BTBD3: variants seen among roughly 807,000 people sequenced by gnomAD.
BTBD3 encodes the protein BTB/POZ domain-containing protein 3.
Under a neutral mutation model 41.6 loss-of-function variants are expected in BTBD3, and 14 were observed. That is an observed-to-expected ratio of 0.34 (90% CI 0.22 to 0.53). The LOEUF is 0.53. BTBD3 is among the 20% of genes least tolerant of loss of function. The pLI is 0.95. For missense variants in BTBD3, 426 were observed against 654.7 expected (o/e 0.65, Z 3.81); for synonymous variants, 249 against 233.7 (o/e 1.07, Z -0.60).
chr20:11,901,007 G>A (rs1230047661), intron 1 of BTBD3, among the ~76,000 whole-genome samples: 3 of 152,040 alleles, frequency 2.0e-5, no homozygotes, highest in South Asian at 4.1e-4. Context: ...CACCGCACCC[G>A]GCCAAAGTCC....
upstream of BTBD3, among the ~76,000 whole-genome samples, chr20:11,914,754 A>C (rs1409783018): frequency 6.6e-6 from 1 of 152,186 alleles, no homozygotes; most frequent in Non-Finnish European, 1.5e-5. Flanking sequence ...CCAACATTGA[A>C]AAGAAAAGAA....
rs546102868 is a variant in BTBD3 at position 11,924,278 on chromosome 20, A to T, written c.*612A>T. The T allele has an allele frequency of 1.3e-5, 2 of 152,224 alleles. No individual in the cohort carries two copies. Among genetic ancestry groups the T allele is most frequent in the Non-Finnish European group, 1.5e-5 (1 of 68,040 alleles). 9.4% of individuals were successfully genotyped at this position (152,224 alleles called of 1,614,324 possible). A position where few individuals can be genotyped will look rare whatever the true frequency, so the allele number is the denominator to read the frequency against. On this transcript the variant is annotated 3_prime_UTR_variant, in exon 4 of 4. Transcript: ENST00000378226. ...TCAGAATATCAATGTAAAATTGGAA[A>T]ATAAGGAACTGGGGGCATTTGTTTA...
rs1247844979 is a variant in BTBD3 at position 11,909,719 on chromosome 20, G to GT, written c.-125-8612dup. The GT allele has an allele frequency of 2.0e-5, 3 of 152,270 alleles. No individual in the cohort carries two copies. The East Asian group carries it at 5.8e-4, about 29-fold the overall frequency. The allele number at this position is 152,270 out of a possible 1,614,324, so 9.4% of individuals were successfully genotyped here. On this transcript the variant is annotated intron_variant, in intron 1 of 4. Coordinates refer to the BTBD3 transcript ENST00000254977. ...GAGACCTTCTGGATATGTGTATAGT[G>GT]TTTGTCAAAATGTGAAATTGTAACT...
At chr20:11,907,413 G>A (rs2056861628) in intron 1 of BTBD3, among the ~76,000 whole-genome samples, 1 of 152,098 alleles carries the variant, frequency 6.6e-6, no homozygotes, top group South Asian at 2.1e-4. Flanking sequence ...AGACCATTTT[G>A]GTCTAGGACC....
At chr20:11,921,312 T>C (rs1017741998) in intron 3 of BTBD3, among the ~76,000 whole-genome samples, 3 of 152,254 alleles carry the variant, frequency 2.0e-5, no homozygotes, top group Admixed American at 6.5e-5. Flanking sequence ...GCATTGCCTA[T>C]AGCAGATATT....
chr20:11,914,788 A>G (rs151263330), upstream of BTBD3, among the ~76,000 whole-genome samples: 2 of 152,280 alleles, frequency 1.3e-5, no homozygotes, highest in Non-Finnish European at 2.9e-5. Context: ...AGAAAATATC[A>G]GAGTGTATAT....
rs908495140 is a variant in BTBD3, at chr20:11,912,305, G to A, written c.-125-6029G>A. On this transcript the variant is annotated intron_variant, in intron 1 of 4. Coordinates refer to the BTBD3 transcript ENST00000254977. Reference sequence around the variant, plus strand: ...AGGAAGTGGGCACAGCAGTGAATCAGCCAACAGGTGGCCTCATGGAGGTTT... The same window carrying A: ...AGGAAGTGGGCACAGCAGTGAATCAACCAACAGGTGGCCTCATGGAGGTTT... 5.3e-5 allele frequency among the ~76,000 whole-genome samples: 8 copies of A among 152,222 alleles called. No individual in the cohort carries two copies. The East Asian group carries it at 1.5e-3, about 29-fold the overall frequency.
In BTBD3 at chr20:11,924,937, G is replaced by A. The variant is rs2057006199; in HGVS notation, c.*1271G>A. 1 of 152,630 alleles carries A rather than the reference G, an allele frequency of 6.6e-6. No homozygotes were observed. Among genetic ancestry groups the A allele is most frequent in the Admixed American group, 6.5e-5 (1 of 15,286 alleles). The allele number at this position is 152,630 out of a possible 1,614,324, so 9.5% of individuals were successfully genotyped here. On this transcript the variant is annotated 3_prime_UTR_variant, in exon 4 of 4. Coordinates refer to ENST00000378226, the MANE Select transcript of BTBD3 (RefSeq NM_014962.4). ...CATCTAGCTCCCTTACTTGTCCACAGATAATGTAAACAAAGGAGGGAAAAA... is the reference window on the plus strand; with the variant it reads ...CATCTAGCTCCCTTACTTGTCCACAAATAATGTAAACAAAGGAGGGAAAAA...
chr20:11,920,095 T>A (rs2122310720), intron 3 of BTBD3, among the ~76,000 whole-genome samples: 1 of 152,342 alleles, frequency 6.6e-6, no homozygotes, highest in East Asian at 1.9e-4. Context: ...TTTTAACAAC[T>A]TAAAATTAAA....
intron 1 of BTBD3, among the ~76,000 whole-genome samples, chr20:11,904,500 A>G (rs755833156): frequency 8.5e-5 from 13 of 152,162 alleles, no homozygotes; most frequent in African/African-American, 1.4e-4. Context: ...GAGGCTTACA[A>G]TTACGCTTAC....
intron 1 of BTBD3, among the ~76,000 whole-genome samples, chr20:11,911,853 G>A (rs746593726): frequency 6.6e-6 from 1 of 152,128 alleles, no homozygotes; most frequent in Non-Finnish European, 1.5e-5. Flanking sequence ...AATAATTTGG[G>A]ATTTAGATGA....
At chr20:11,894,645 T>C (rs1278056959) in intron 1 of BTBD3, among the ~76,000 whole-genome samples, 4 of 152,054 alleles carry the variant, frequency 2.6e-5, no homozygotes, top group African/African-American at 9.7e-5. Flanking sequence ...TAGTTTTCTT[T>C]TTTTTCTTCT....
intron 1 of BTBD3, among the ~76,000 whole-genome samples, chr20:11,908,979 G>A (rs961785529): frequency 6.6e-6 from 1 of 152,112 alleles, no homozygotes; most frequent in African/African-American, 2.4e-5. Context: ...CAGGCGCGGT[G>A]GCTCATGCCT....
intron 1 of BTBD3, among the ~76,000 whole-genome samples, chr20:11,908,621 T>C (rs1431116226): frequency 6.6e-6 from 1 of 152,040 alleles, no homozygotes; most frequent in Non-Finnish European, 1.5e-5. Context: ...ATAGTAGCTC[T>C]TAATTAAAAA....
intron 1 of BTBD3, among the ~76,000 whole-genome samples, chr20:11,893,087 G>C (rs1053559556): frequency 6.6e-6 from 1 of 151,628 alleles, no homozygotes; most frequent in Non-Finnish European, 1.5e-5. Flanking sequence ...CTCAAAACAG[G>C]TATGCTATAG....
intron 1 of BTBD3, among the ~76,000 whole-genome samples, chr20:11,896,375 T>A (rs568533740): frequency 1.3e-5 from 2 of 152,350 alleles, no homozygotes; most frequent in East Asian, 3.9e-4. Flanking sequence ...CTTTGCAGTT[T>A]ATTTTTGTAT....
intron 3 of BTBD3, among the ~76,000 whole-genome samples, chr20:11,922,341 T>G (rs1323967146): frequency 6.6e-6 from 1 of 152,216 alleles, no homozygotes; most frequent in Non-Finnish European, 1.5e-5. Context: ...GCAGTTGTTT[T>G]TCAGTTTCAA....
intron 1 of BTBD3, among the ~76,000 whole-genome samples, chr20:11,898,508 C>A (rs986713532): frequency 2.0e-5 from 3 of 152,164 alleles, no homozygotes; most frequent in African/African-American, 7.2e-5. Context: ...TTCTAAGTTA[C>A]TATTTATTTG....
At chr20:11,918,853 T>C in intron 1 of BTBD3, 1 of 569,448 alleles carries the variant, frequency 1.8e-6, no homozygotes, top group Non-Finnish European at 3.0e-6. Flanking sequence ...GGGAACCTTT[T>C]ATTTGTCCTT....
Sources: gnomAD v4.1 joint callset for allele counts (sites outside exome capture counted in the v4.1 genomes callset) on GRCh38, gnomAD v4.1.1 for gene constraint, MANE v1.5 for transcripts, NCBI Gene and HGNC (gene_info 2026-07-23, HGNC 2026-07-21) for gene names.